TENM4: variants seen among roughly 807,000 people sequenced by gnomAD.
TENM4 encodes teneurin transmembrane protein 4.
TENM4 carries 82 observed loss-of-function variants against 243.3 expected under a neutral mutation model. That is an observed-to-expected ratio of 0.34 (90% confidence interval 0.28 to 0.40). The LOEUF is 0.40. TENM4 is among the 10% of genes least tolerant of loss of function. TENM4 has a pLI of 1.00. For missense variants in TENM4, 3,138 were observed against 3,673.3 expected (o/e 0.85, Z 3.77); for synonymous variants, 1,412 against 1,456.3 (o/e 0.97, Z 0.69).
intron 15 of TENM4, among the ~76,000 whole-genome samples, chr11:78,804,816 AG>A (rs1351123842): frequency 6.6e-6 from 1 of 152,186 alleles, no homozygotes; most frequent in African/African-American, 2.4e-5. Flanking sequence ...TTTGGCTAGA[AG>A]GGCAGGTGGG....
chr11:79,152,862 A>G (rs1173558937), intron 3 of TENM4, among the ~76,000 whole-genome samples: 1 of 152,260 alleles, frequency 6.6e-6, no homozygotes, highest in Non-Finnish European at 1.5e-5. Flanking sequence ...TTCAATGCAC[A>G]GGAAAACCCA....
rs573010258 is a variant in TENM4 at position 79,327,389 on chromosome 11, A to G, written c.-320-29846T>C. Among the ~76,000 whole-genome samples, 131 of 152,340 alleles carry G rather than the reference A, an allele frequency of 8.6e-4. 8 individuals are homozygous for G. In the South Asian group the frequency reaches 0.018, roughly 21 times the overall value. On this transcript the variant is annotated intron_variant, in intron 1 of 33. Transcript: ENST00000278550. ...AAATGAAGGTTTAGGGCCAATAGCA[A>G]AAGTACATTGGAAAGGACCATTTTA...
At chr11:79,205,258 A>G (rs1054643996) in intron 3 of TENM4, among the ~76,000 whole-genome samples, 2 of 152,196 alleles carry the variant, frequency 1.3e-5, no homozygotes. Context: ...ACATTTTGCA[A>G]AAGTATAAAA....
intron 2 of TENM4, among the ~76,000 whole-genome samples, chr11:79,221,316 C>G (rs1258206216): frequency 6.6e-6 from 1 of 150,382 alleles, no homozygotes; most frequent in African/African-American, 2.4e-5. Flanking sequence ...AGAGAAGATC[C>G]ACCACATTCC....
At chr11:79,187,137 T>G (rs936242366) in intron 3 of TENM4, among the ~76,000 whole-genome samples, 7 of 152,210 alleles carry the variant, frequency 4.6e-5, no homozygotes, top group African/African-American at 1.7e-4. Context: ...ATAATGCTTT[T>G]GGGTTAATAT....
intron 6 of TENM4, among the ~76,000 whole-genome samples, chr11:78,932,540 G>A (rs192782389): frequency 1.4e-4 from 21 of 152,306 alleles, no homozygotes; most frequent in Admixed American, 5.9e-4. Flanking sequence ...TGAAAAGGAA[G>A]CACTAACACT....
At chr11:79,342,588 C>G (rs1199810662) in intron 1 of TENM4, among the ~76,000 whole-genome samples, 1 of 152,188 alleles carries the variant, frequency 6.6e-6, no homozygotes, top group Non-Finnish European at 1.5e-5. Flanking sequence ...GGCAGGGGTT[C>G]TCAGTCCTGG....
intron 4 of TENM4, among the ~76,000 whole-genome samples, chr11:79,115,902 C>G (rs912195000): frequency 1.3e-5 from 2 of 152,206 alleles, no homozygotes; most frequent in African/African-American, 4.8e-5. Flanking sequence ...CTCGAAGAGT[C>G]TAGGTTTCTC....
At chr11:79,001,028 C>A (rs574581099) in intron 6 of TENM4, among the ~76,000 whole-genome samples, 1 of 152,070 alleles carries the variant, frequency 6.6e-6, no homozygotes, top group South Asian at 2.1e-4. Context: ...GAGACTCCAT[C>A]TCAAAAAAAG....
intron 6 of TENM4, among the ~76,000 whole-genome samples, chr11:78,935,832 G>A (rs1856771349): frequency 6.6e-6 from 1 of 152,196 alleles, no homozygotes. Context: ...ATCCCAGGCA[G>A]GAAGTTGAAG....
At chr11:79,355,914 A>G (rs1857489622) in intron 1 of TENM4, among the ~76,000 whole-genome samples, 1 of 152,186 alleles carries the variant, frequency 6.6e-6, no homozygotes, top group South Asian at 2.1e-4. Context: ...GATATTAGAA[A>G]TGAAAATTAC....
intron 6 of TENM4, among the ~76,000 whole-genome samples, chr11:78,960,503 C>T (rs1591164345): frequency 6.6e-6 from 1 of 152,252 alleles, no homozygotes; most frequent in East Asian, 1.9e-4. Context: ...CCATACCCTT[C>T]CAAGGTTCAC....
intron 6 of TENM4, among the ~76,000 whole-genome samples, chr11:78,938,573 C>T (rs1282100533): frequency 6.6e-6 from 1 of 152,046 alleles, no homozygotes; most frequent in Non-Finnish European, 1.5e-5. Context: ...AAAATATGCC[C>T]TCTACTTATC....
chr11:79,019,824 A>G (rs1858880950), intron 6 of TENM4, among the ~76,000 whole-genome samples: 1 of 152,174 alleles, frequency 6.6e-6, no homozygotes, highest in African/African-American at 2.4e-5. Flanking sequence ...TTAAGGGAAC[A>G]TCCCCTCCAA....
chr11:79,204,117 G>A (rs1310080518), intron 3 of TENM4, among the ~76,000 whole-genome samples: 3 of 152,196 alleles, frequency 2.0e-5, no homozygotes, highest in African/African-American at 7.2e-5. Context: ...GAGGCATTAG[G>A]TTAGGAAGAA....
At chr11:79,129,793 C>T (rs774525310) in intron 4 of TENM4, among the ~76,000 whole-genome samples, 5 of 152,230 alleles carry the variant, frequency 3.3e-5, no homozygotes, top group South Asian at 4.1e-4. Flanking sequence ...ATGGTCCTTT[C>T]GTACCCACCC....
At chr11:78,714,881 C>T (rs997397560) in intron 25 of TENM4, among the ~76,000 whole-genome samples, 1 of 152,220 alleles carries the variant, frequency 6.6e-6, no homozygotes, top group African/African-American at 2.4e-5. Flanking sequence ...GATTTGCATC[C>T]ATTCATTGCT....
intron 22 of TENM4, 61 bp from the exon 23 acceptor site, chr11:78,726,283 G>A: frequency 1.3e-6 from 2 of 1,567,308 alleles, no homozygotes; most frequent in Non-Finnish European, 1.7e-6. Context: ...TTGGCCTTTA[G>A]ACCTGTAGGC....
intron 21 of TENM4, among the ~76,000 whole-genome samples, chr11:78,730,396 T>C (rs550363676): frequency 6.6e-6 from 1 of 152,248 alleles, no homozygotes; most frequent in East Asian, 1.9e-4. Context: ...TATGCAGAGT[T>C]CAGACCACAG....
Sources: allele counts gnomAD v4.1 joint callset (sites outside exome capture counted in the v4.1 genomes callset), GRCh38; gene constraint gnomAD v4.1.1; transcripts MANE v1.5; gene names NCBI Gene and HGNC (gene_info 2026-07-23, HGNC 2026-07-21).